NINJ2: variants seen among roughly 807,000 people sequenced by gnomAD.
NINJ2 encodes the protein ninjurin-2.
A neutral mutation model predicts 11.7 loss-of-function variants in NINJ2; 12 were observed. The observed-to-expected ratio is 1.02, with a 90% CI of 0.66 to 1.66. The LOEUF is 1.66. Ranked by LOEUF, NINJ2 falls within the 40% of genes most tolerant of loss-of-function variation. The pLI is 0.00. For synonymous variants in NINJ2, 93 were observed against 76.8 expected (o/e 1.21, Z -1.10); for missense variants, 187 against 181.8 (o/e 1.03, Z -0.16).
At chr12:642,332 G>A (rs1384226833) in intron 1 of NINJ2, among the ~76,000 whole-genome samples, 3 of 152,238 alleles carry the variant, frequency 2.0e-5, no homozygotes, top group Non-Finnish European at 4.4e-5. Flanking sequence ...CCGAGTTCAA[G>A]CGATCCTCCT....
chr12:568,662 G>T, intron 1 of NINJ2, among the ~76,000 whole-genome samples: 1 of 152,188 alleles, frequency 6.6e-6, no homozygotes, highest in East Asian at 1.9e-4. Flanking sequence ...TCTACACGGG[G>T]CAGTTCCCTG....
chr12:602,299 C>G (rs1947883625), intron 1 of NINJ2, among the ~76,000 whole-genome samples: 1 of 152,218 alleles, frequency 6.6e-6, no homozygotes, highest in Non-Finnish European at 1.5e-5. Context: ...GTGCCCATCC[C>G]TTCCTTATCC....
chr12:588,230 C>CGG (rs1947670840), intron 1 of NINJ2, among the ~76,000 whole-genome samples: 1 of 150,118 alleles, frequency 6.7e-6, no homozygotes, highest in African/African-American at 2.5e-5. Flanking sequence ...ACGGAAGGGA[C>CGG]AGAAGGGAGG....
intron 1 of NINJ2, chr12:589,713 A>C (rs10774343): frequency 0.28 from 42,093 of 152,140 alleles, 6,244 homozygotes; most frequent in South Asian, 0.37. Context: ...TTTCTTCTAC[A>C]AGCATGTGCT....
At chr12:565,758 C>A in intron 2 of NINJ2, 192 bp downstream of exon 2, 1 of 666,278 alleles carries the variant, frequency 1.5e-6, no homozygotes, top group Non-Finnish European at 2.7e-6. Context: ...TACCAGGAGA[C>A]AGGACAGGGC....
chr12:648,971 C>T (rs935523898), intron 1 of NINJ2, among the ~76,000 whole-genome samples: 2 of 114,660 alleles, frequency 1.7e-5, no homozygotes, highest in Non-Finnish European at 3.6e-5. Context: ...TCAAAGAAGT[C>T]ATCCACCTAT....
intron 1 of NINJ2, among the ~76,000 whole-genome samples, chr12:582,919 A>G (rs76391349): frequency 1.5e-3 from 33 of 22,192 alleles, no homozygotes; most frequent in South Asian, 9.5e-3. Context: ...GAATGAATGG[A>G]CGCAGGCAGG....
At chr12:597,636 C>T (rs749785537) in intron 1 of NINJ2, among the ~76,000 whole-genome samples, 2 of 152,250 alleles carry the variant, frequency 1.3e-5, no homozygotes, top group African/African-American at 4.8e-5. Flanking sequence ...GAAGACATTG[C>T]GTCTTGAGGC....
intron 1 of NINJ2, among the ~76,000 whole-genome samples, chr12:575,228 G>A (rs1362807057): frequency 1.3e-5 from 2 of 152,154 alleles, no homozygotes; most frequent in Non-Finnish European, 2.9e-5. Flanking sequence ...ACCTGCATTG[G>A]GTCTCCAGGG....
At chr12:609,108 CCA>C (rs1277020973) in intron 1 of NINJ2, among the ~76,000 whole-genome samples, 1 of 136,296 alleles carries the variant, frequency 7.3e-6, no homozygotes, top group Non-Finnish European at 1.5e-5. Context: ...ACGCACGGCG[CCA>C]CGCGCTAGGT....
chr12:618,305 G>A (rs1263886365), intron 1 of NINJ2, among the ~76,000 whole-genome samples: 3 of 90,992 alleles, frequency 3.3e-5, no homozygotes, highest in African/African-American at 1.2e-4. Context: ...GTGGGGGTGA[G>A]GAGTTGGTAA....
At chr12:588,957 A>AT (rs1230535205) in intron 1 of NINJ2, among the ~76,000 whole-genome samples, 16 of 151,396 alleles carry the variant, frequency 1.1e-4, no homozygotes, top group African/African-American at 3.4e-4. Context: ...TGTTACAATC[A>AT]TTTTTTTTTG....
At chr12:629,898 T>A (rs113983609) in intron 1 of NINJ2, among the ~76,000 whole-genome samples, 2,727 of 12,480 alleles carry the variant, frequency 0.22, 126 homozygotes, top group Non-Finnish European at 0.25. Flanking sequence ...AAAAAAAAAA[T>A]ATATATATAT....
Position 628,009 on chromosome 12 carries a change from C to T in NINJ2, c.33+35319G>A, listed in dbSNP as rs1056695976. The stretch of plus-strand genomic sequence containing the variant: ...GTCCCTGTCCCTGCCGCATCCTCCC[C>T]GCCCTGCCCCCGGCTCCTCTTTCAC... On this transcript the variant is annotated intron_variant, in intron 1 of 3. Transcript: ENST00000305108. The surrounding 1 kb of genome is among the most constrained non-coding windows in gnomAD (Gnocchi z 4.4). Among the ~76,000 whole-genome samples, 2 of 152,148 alleles carry T rather than the reference C, an allele frequency of 1.3e-5. No individual in the cohort carries two copies. The highest frequency in any genetic ancestry group is 2.9e-5 in the Non-Finnish European group (2 of 68,028).
At chr12:577,416 C>CATATATATATACATATATATATGTAT (rs1565621205) in intron 1 of NINJ2, among the ~76,000 whole-genome samples, 2 of 121,262 alleles carry the variant, frequency 1.6e-5, no homozygotes, top group African/African-American at 3.1e-5. Context: ...ACACTAGTCT[C>CATATATATATACATATATATATGTAT]ATATATATAT....
intron 1 of NINJ2, among the ~76,000 whole-genome samples, chr12:647,488 G>A (rs1202356705): frequency 6.6e-6 from 1 of 152,148 alleles, no homozygotes; most frequent in Non-Finnish European, 1.5e-5. Context: ...GGACTTGAGA[G>A]GCTTAGAACC....
chr12:590,378 G>A (rs1947701686), intron 1 of NINJ2, among the ~76,000 whole-genome samples: 1 of 152,208 alleles, frequency 6.6e-6, no homozygotes, highest in Non-Finnish European at 1.5e-5. Context: ...AGGACTGGGT[G>A]AGCGATTGGA....
intron 1 of NINJ2, among the ~76,000 whole-genome samples, chr12:575,584 G>A (rs1947444975): frequency 6.6e-6 from 1 of 152,168 alleles, no homozygotes; most frequent in Non-Finnish European, 1.5e-5. Context: ...GGCCTTGGGC[G>A]TTGTTGAGTC....
Position 575,107 on chromosome 12 carries a change from C to A in NINJ2, c.34-8929G>T, listed in dbSNP as rs547547369. Reference sequence around the variant, plus strand: ...TAGGCACCATTTATGGTCCTAACAACTTCCATGGTGTTTGAAATGCCTCCT... The same window carrying A: ...TAGGCACCATTTATGGTCCTAACAAATTCCATGGTGTTTGAAATGCCTCCT... On this transcript the variant is annotated intron_variant, in intron 1 of 3. Coordinates refer to ENST00000305108, the MANE Select transcript of NINJ2 (RefSeq NM_016533.6). Among the ~76,000 whole-genome samples the A allele has an allele frequency of 2.0e-5, 3 of 152,384 alleles. No homozygotes were observed. The East Asian group carries it at 5.8e-4, about 29-fold the overall frequency.
Sources: allele counts gnomAD v4.1 joint callset (sites outside exome capture counted in the v4.1 genomes callset), GRCh38; gene constraint gnomAD v4.1.1; non-coding constraint Gnocchi (gnomAD v3.1); transcripts MANE v1.5; gene names NCBI Gene and HGNC (gene_info 2026-07-23, HGNC 2026-07-21).